CDC20B: variants seen among roughly 807,000 people sequenced by gnomAD.
CDC20B encodes cell division cycle protein 20 homolog B.
A neutral mutation model predicts 64.1 loss-of-function variants in CDC20B; 58 were observed. The ratio of observed to expected loss-of-function variants is 0.90; its 90% CI spans 0.73 to 1.13. The LOEUF (loss-of-function observed/expected upper bound fraction) is 1.13. CDC20B is among the 50% of genes most tolerant of loss of function. The probability of loss-of-function intolerance (pLI) is 0.00; values close to 1 mark genes in which losing one functional copy is unlikely to be tolerated. For missense variants in CDC20B, 597 were observed against 633.0 expected, an observed-to-expected ratio of 0.94 and a Z score of 0.61; for synonymous variants, 243 against 230.6, an observed-to-expected ratio of 1.05 and a Z score of -0.49.
At chr5:55,134,480 G>A (rs1370099447) in intron 5 of CDC20B, among the ~76,000 whole-genome samples, 1 of 152,106 alleles carries the variant, frequency 6.6e-6, no homozygotes, top group East Asian at 1.9e-4. Context: ...AAAACTCCTG[G>A]GGCTGGGCAC....
At chr5:55,150,096 C>T (rs778985783) in intron 2 of CDC20B, among the ~76,000 whole-genome samples, 12 of 152,130 alleles carry the variant, frequency 7.9e-5, no homozygotes, top group Non-Finnish European at 1.5e-4. Flanking sequence ...CGCACCATTG[C>T]ACTCCAGCCT....
rs1237038427 is a variant in CDC20B, at chr5:55,173,043, C to T, written c.-43G>A. ...CTGCCTGGCGTTTGGCCTCTCTGCT[C>T]GACTGCCTCTGGTTTTCTTCCCAGG... On this transcript the variant is annotated 5_prime_UTR_variant, in exon 1 of 12. Transcript: ENST00000381375. 6.4e-7 allele frequency: 1 copy of T among 1,562,192 alleles called. No individual in the cohort carries two copies. The highest frequency in any genetic ancestry group is 1.8e-5 in the Admixed American group (1 of 56,656).
At chr5:55,148,612 G>T (rs1031559282) in intron 2 of CDC20B, among the ~76,000 whole-genome samples, 2 of 152,174 alleles carry the variant, frequency 1.3e-5, no homozygotes, top group Non-Finnish European at 2.9e-5. Flanking sequence ...TACTTGATGG[G>T]GCTGAGGCAG....
Position 55,172,649 on chromosome 5 carries a change from T to C in CDC20B, c.65A>G (p.Glu22Gly), listed in dbSNP as rs1373181109. The change falls in exon 2 of 12, where the codon GAA becomes GGA. Residue 22 changes from glutamate to glycine, a missense_variant and splice_region_variant. Coordinates refer to ENST00000381375, the MANE Select transcript of CDC20B (RefSeq NM_001170402.1). ...TTTGGAGAGCACACGCATGATACTT[T>C]CCTTTGAAAACACAGATAACATATT... ...RVRTEEEMLW[E>G]SIMRVLSKDL... 1.1e-5 allele frequency: 17 copies of C among 1,610,286 alleles called. No individual in the cohort carries two copies. In the South Asian group the frequency reaches 1.8e-4, roughly 17 times the overall value.
chr5:55,117,945 T>C (rs1742662270), intron 11 of CDC20B, among the ~76,000 whole-genome samples: 1 of 152,000 alleles, frequency 6.6e-6, no homozygotes, highest in South Asian at 2.1e-4. Flanking sequence ...AGAAACCCCA[T>C]CTCTACTAAA....
intron 3 of CDC20B, 113 bp from the exon 4 acceptor site, chr5:55,143,756 T>A: frequency 9.8e-7 from 1 of 1,025,562 alleles, no homozygotes; most frequent in Non-Finnish European, 1.4e-6. Context: ...AAGCCCAGGC[T>A]CTCGTCACTC....
chr5:55,136,846 T>C (rs1467582720), intron 5 of CDC20B: 1 of 152,082 alleles, frequency 6.6e-6, no homozygotes, highest in Non-Finnish European at 1.5e-5. Context: ...AAAACGTCCA[T>C]GATGGCAACA....
At chr5:55,135,233 C>CTATATATA (rs565350239) in intron 5 of CDC20B, among the ~76,000 whole-genome samples, 17 of 146,908 alleles carry the variant, frequency 1.2e-4, no homozygotes, top group African/African-American at 4.3e-4. Context: ...GTGTGTGTGT[C>CTATATATA]TATATATATA....
chr5:55,154,466 A>G (rs1351579775), intron 2 of CDC20B, among the ~76,000 whole-genome samples: 1 of 152,176 alleles, frequency 6.6e-6, no homozygotes, highest in Non-Finnish European at 1.5e-5. Context: ...GCAGTGAGCC[A>G]TGATCATGCC....
At chr5:55,151,357 G>A (rs893969171) in intron 2 of CDC20B, among the ~76,000 whole-genome samples, 2 of 152,114 alleles carry the variant, frequency 1.3e-5, no homozygotes, top group African/African-American at 4.8e-5. Context: ...CATTTGCAAC[G>A]GCTCCACTAT....
At chr5:55,139,896 G>T (rs987471660) in intron 5 of CDC20B, among the ~76,000 whole-genome samples, 1 of 152,062 alleles carries the variant, frequency 6.6e-6, no homozygotes, top group South Asian at 2.1e-4. Flanking sequence ...GCATGGTGGT[G>T]CATGCCTATA....
intron 3 of CDC20B, 76 bp downstream of exon 3, chr5:55,146,552 C>T: frequency 2.8e-6 from 3 of 1,065,752 alleles, no homozygotes; most frequent in Non-Finnish European, 2.8e-6. Flanking sequence ...CTTAGTTCTA[C>T]AAGACAAAGA....
At chr5:55,129,582 C>A (rs1436871390) in intron 6 of CDC20B, among the ~76,000 whole-genome samples, 1 of 152,202 alleles carries the variant, frequency 6.6e-6, no homozygotes, top group Non-Finnish European at 1.5e-5. Flanking sequence ...AGAAAGAGAT[C>A]CTCTGAGTGT....
intron 11 of CDC20B, among the ~76,000 whole-genome samples, chr5:55,115,371 A>G (rs1269415728): frequency 6.6e-6 from 1 of 152,238 alleles, no homozygotes; most frequent in African/African-American, 2.4e-5. Context: ...TTTTAGGACT[A>G]CTAGAAGCAT....
intron 2 of CDC20B, among the ~76,000 whole-genome samples, chr5:55,169,268 A>T (rs1000008120): frequency 2.0e-5 from 3 of 152,240 alleles, no homozygotes; most frequent in Non-Finnish European, 4.4e-5. Context: ...TATCTATTTA[A>T]CCCATGTTCT....
intron 3 of CDC20B, among the ~76,000 whole-genome samples, chr5:55,145,795 C>G (rs926417878): frequency 6.6e-6 from 1 of 151,530 alleles, no homozygotes; most frequent in Non-Finnish European, 1.5e-5. Context: ...TCTCTCCCCC[C>G]ATCCATCCCC....
chr5:55,113,902 A>G lies in CDC20B; in HGVS notation c.*316T>C. Reference sequence around the variant, plus strand: ...GGGGAGAAAAGTCATACGGGAAAGAAGTAGAAATCTTTGCTATAGATGTTA... The same window carrying G: ...GGGGAGAAAAGTCATACGGGAAAGAGGTAGAAATCTTTGCTATAGATGTTA... On this transcript the variant is annotated 3_prime_UTR_variant, in exon 12 of 12. Transcript: ENST00000381375. 4.6e-6 allele frequency: 1 copy of G among 217,836 alleles called. No individual in the cohort carries two copies. Among genetic ancestry groups the G allele is most frequent in the South Asian group, 1.1e-4 (1 of 9,454 alleles). 13.5% of individuals were successfully genotyped at this position (217,836 alleles called of 1,614,324 possible).
intron 2 of CDC20B, among the ~76,000 whole-genome samples, chr5:55,158,383 T>C (rs577485835): frequency 6.6e-6 from 1 of 152,334 alleles, no homozygotes; most frequent in African/African-American, 2.4e-5. Context: ...ACATTTTTGT[T>C]CTTTACTAGG....
intron 2 of CDC20B, among the ~76,000 whole-genome samples, chr5:55,153,871 C>T (rs1015880576): frequency 5.3e-5 from 8 of 152,024 alleles, no homozygotes; most frequent in African/African-American, 1.4e-4. Flanking sequence ...AATCAACATG[C>T]AGTGAAAAAG....
Sources: allele counts gnomAD v4.1 joint callset (sites outside exome capture counted in the v4.1 genomes callset), GRCh38; gene constraint gnomAD v4.1.1; transcripts MANE v1.5; gene names NCBI Gene and HGNC (gene_info 2026-07-23, HGNC 2026-07-21).